Variants in TMIGD3 observed in about 807,000 individuals in gnomAD.
TMIGD3 encodes transmembrane and immunoglobulin domain containing 3, also known as AD026 protein (AD026).
A neutral mutation model predicts 28.1 loss-of-function variants in TMIGD3; 21 were observed. The ratio of observed to expected loss-of-function variants is 0.75; its 90% CI spans 0.53 to 1.08. TMIGD3 has a LOEUF of 1.08. TMIGD3 is among the 50% of genes least tolerant of loss of function. The probability of loss-of-function intolerance (pLI) is 0.00; values close to 1 mark genes in which losing one functional copy is unlikely to be tolerated. For synonymous variants in TMIGD3, 151 were observed against 162.1 expected, an observed-to-expected ratio of 0.93 and a Z score of 0.52; for missense variants, 416 against 435.6, an observed-to-expected ratio of 0.96 and a Z score of 0.40.
chr1:111,526,838 C>A (rs1208564942), intron 1 of TMIGD3, among the ~76,000 whole-genome samples: 2 of 152,168 alleles, frequency 1.3e-5, no homozygotes, highest in Admixed American at 6.5e-5. Flanking sequence ...TTTCATCCCT[C>A]CCTGCCCACC....
At chr1:111,514,189 G>T (rs896310758) in intron 1 of TMIGD3, among the ~76,000 whole-genome samples, 7 of 152,144 alleles carry the variant, frequency 4.6e-5, no homozygotes, top group African/African-American at 7.2e-5. Context: ...GAAAGCAATA[G>T]GTGCAACTCG....
chr1:111,490,807 C>G (rs374863650), intron 1 of TMIGD3, 45 bp from the exon 2 acceptor site: 254 of 1,478,444 alleles, frequency 1.7e-4, no homozygotes, highest in Non-Finnish European at 2.3e-4. Flanking sequence ...ATGGCTTTAT[C>G]CTGGTTTGAA....
At chr1:111,521,254 T>A (rs1656051392) in intron 1 of TMIGD3, among the ~76,000 whole-genome samples, 1 of 152,234 alleles carries the variant, frequency 6.6e-6, no homozygotes, top group Non-Finnish European at 1.5e-5. Context: ...TAAATATTTG[T>A]GAAGAAGTCT....
intron 1 of TMIGD3, among the ~76,000 whole-genome samples, chr1:111,560,934 C>T (rs1657713783): frequency 6.6e-6 from 1 of 152,210 alleles, no homozygotes; most frequent in Non-Finnish European, 1.5e-5. Context: ...AACAACCGCA[C>T]CAGATCTCTG....
chr1:111,492,817 A>G (rs1654730398), intron 1 of TMIGD3, among the ~76,000 whole-genome samples: 1 of 149,476 alleles, frequency 6.7e-6, no homozygotes, highest in Non-Finnish European at 1.5e-5. Context: ...CTGTCTCAAA[A>G]AAAAAAAAAA....
chr1:111,515,003 CT>C (rs1348813473), intron 1 of TMIGD3, among the ~76,000 whole-genome samples: 1 of 152,254 alleles, frequency 6.6e-6, no homozygotes, highest in African/African-American at 2.4e-5. Flanking sequence ...CCGTCTTGAC[CT>C]CAGGCAGTCC....
In TMIGD3 at chr1:111,488,745, A is replaced by C; in HGVS notation, c.737T>G (p.Met246Arg). The change falls in exon 3 of 6, where the codon ATG (methionine) becomes AGG (arginine). Residue 246 changes from methionine (M) to arginine (R), a missense_variant. Coordinates refer to ENST00000369716, the MANE Select transcript of TMIGD3 (RefSeq NM_020683.7). ...AGTTACAATCAGCTCTGTAAAATCCATGTCATCCCTGGCAAAGTCCCGCTG... is the reference window on the plus strand; with the variant it reads ...AGTTACAATCAGCTCTGTAAAATCCCTGTCATCCCTGGCAAAGTCCCGCTG... ...GIQRDFARDD[M>R]DFTELIVTDD... The C allele has an allele frequency of 6.2e-7, 1 of 1,614,152 alleles. No homozygotes were observed. Among genetic ancestry groups the C allele is most frequent in the African/African-American group, 1.3e-5 (1 of 75,026 alleles).
chr1:111,503,695 A>AGCTTTTTG, upstream of TMIGD3: 1 of 1,061,520 alleles, frequency 9.4e-7, no homozygotes, highest in Middle Eastern at 4.6e-4. Context: ...CTCTGCCTGC[A>AGCTTTTTG]GCTTTTTGGC....
chr1:111,559,371 C>T (rs912409819), intron 1 of TMIGD3, among the ~76,000 whole-genome samples: 25 of 152,226 alleles, frequency 1.6e-4, no homozygotes, highest in East Asian at 1.9e-4. Context: ...TAGGCATTTA[C>T]GATTCAGCAG....
intron 1 of TMIGD3, among the ~76,000 whole-genome samples, chr1:111,540,539 T>G (rs969647230): frequency 6.6e-6 from 1 of 152,222 alleles, no homozygotes; most frequent in African/African-American, 2.4e-5. Flanking sequence ...CATCCATCTT[T>G]CTGGGTTCTG....
At chr1:111,496,007 G>A (rs1406024674) in intron 1 of TMIGD3, among the ~76,000 whole-genome samples, 1 of 152,184 alleles carries the variant, frequency 6.6e-6, no homozygotes, top group East Asian at 1.9e-4. Context: ...CTTACTTGAG[G>A]ATGGAGTGTG....
intron 1 of TMIGD3, among the ~76,000 whole-genome samples, chr1:111,509,548 A>G (rs1163343071): frequency 6.6e-6 from 1 of 152,166 alleles, no homozygotes; most frequent in African/African-American, 2.4e-5. Flanking sequence ...TGGATATACC[A>G]ACTACTGATC....
chr1:111,502,849 C>G (rs922349806), intron 1 of TMIGD3, among the ~76,000 whole-genome samples, 156 bp downstream of exon 1: 1 of 151,934 alleles, frequency 6.6e-6, no homozygotes, highest in East Asian at 1.9e-4. Context: ...TGTTGCTAAC[C>G]CCCTCACAGA....
At chr1:111,494,633 C>T (rs1654811415) in intron 1 of TMIGD3, among the ~76,000 whole-genome samples, 3 of 152,024 alleles carry the variant, frequency 2.0e-5, no homozygotes, top group Non-Finnish European at 2.9e-5. Context: ...AATGTGATTC[C>T]TATCAAACTA....
At chr1:111,514,148 C>T (rs573690022) in intron 1 of TMIGD3, among the ~76,000 whole-genome samples, 1 of 152,304 alleles carries the variant, frequency 6.6e-6, no homozygotes, top group South Asian at 2.1e-4. Context: ...AGATGTTAAA[C>T]TCTTGTGTGG....
chr1:111,557,674 GA>G (rs1277556329), intron 1 of TMIGD3, among the ~76,000 whole-genome samples: 2 of 152,012 alleles, frequency 1.3e-5, no homozygotes, highest in Non-Finnish European at 2.9e-5. Flanking sequence ...AATGATATCA[GA>G]AAAAAGGTTT....
chr1:111,543,866 G>T (rs1656938824), intron 1 of TMIGD3, among the ~76,000 whole-genome samples: 1 of 152,162 alleles, frequency 6.6e-6, no homozygotes, highest in Non-Finnish European at 1.5e-5. Flanking sequence ...TATTTTAAAG[G>T]ATTGGGCCTT....
Position 111,488,924 on chromosome 1 carries a change from G to A in TMIGD3, c.558C>T (p.Tyr186=). The change falls in exon 3 of 6, where the codon TAC becomes TAT. Residue 186 remains tyrosine (Y), a synonymous_variant. Coordinates refer to ENST00000369716, the MANE Select transcript of TMIGD3 (RefSeq NM_020683.7). ...AGTCACGGAAATAGCCTCGGCACCA[G>A]TATTTGGGGTGATTCTTGTAGTGGG... ...YNAHYKNHPK[Y]WCRGYFRDYC... 6.2e-7 allele frequency: 1 copy of A among 1,614,222 alleles called. No individual in the cohort carries two copies.
At chr1:111,519,742 G>T (rs1054796122) in intron 1 of TMIGD3, among the ~76,000 whole-genome samples, 4 of 151,322 alleles carry the variant, frequency 2.6e-5, no homozygotes, top group African/African-American at 9.7e-5. Context: ...ACCCAGGTTG[G>T]AGTGCAGTGG....
Sources: gnomAD v4.1 joint callset for allele counts (sites outside exome capture counted in the v4.1 genomes callset) on GRCh38, gnomAD v4.1.1 for gene constraint, MANE v1.5 for transcripts, NCBI Gene and HGNC (gene_info 2026-07-23, HGNC 2026-07-21) for gene names.